Variants in AMPH observed in about 807,000 individuals in gnomAD.
The protein encoded by AMPH is amphiphysin, also known as amphiphysin (Stiff-Mann syndrome with breast cancer 128kD autoantigen).
AMPH carries 49 observed loss-of-function variants against 99.1 expected under a neutral mutation model. The observed-to-expected ratio is 0.49, with a 90% confidence interval of 0.39 to 0.63. AMPH has a LOEUF of 0.63. Among genes scored for constraint, AMPH ranks in the 20% least tolerant of loss-of-function variants. AMPH has a pLI of 0.00. For synonymous variants in AMPH, 314 were observed against 317.3 expected (o/e 0.99, Z 0.11); for missense variants, 759 against 863.4 (o/e 0.88, Z 1.52).
At chr7:38,423,605 A>C (rs1031974280) in intron 15 of AMPH, among the ~76,000 whole-genome samples, 5 of 152,152 alleles carry the variant, frequency 3.3e-5, no homozygotes, top group African/African-American at 9.6e-5. Context: ...AAACAACAAA[A>C]TGTTGAAATT....
rs932394764 is a variant in AMPH, at chr7:38,384,392, C to T, written c.*426G>A. ...TAAACATAGTAAACCTGAAAGGGAG[C>T]GAGAGCACGTGCTCACACCTGGGCA... is the stretch of plus-strand genomic sequence containing the variant. On this transcript the variant is annotated 3_prime_UTR_variant, in exon 21 of 21. Coordinates refer to ENST00000356264, the MANE Select transcript of AMPH (RefSeq NM_001635.4). The T allele has an allele frequency of 1.9e-5, 3 of 161,384 alleles. No homozygotes were observed. The highest frequency in any genetic ancestry group is 5.8e-5 in the Admixed American group (1 of 17,242). The allele number at this position is 161,384 out of a possible 1,614,324, so 10.0% of individuals were successfully genotyped here. A position where few individuals can be genotyped will look rare whatever the true frequency, so the allele number is the denominator to read the frequency against.
At chr7:38,431,351 C>T (rs1231255544) in intron 13 of AMPH, among the ~76,000 whole-genome samples, 37 of 152,102 alleles carry the variant, frequency 2.4e-4, no homozygotes, top group Admixed American at 2.4e-3. Flanking sequence ...AAAAATGATG[C>T]TTAGAGAGTT....
chr7:38,602,802 A>G (rs1793295265), intron 1 of AMPH, among the ~76,000 whole-genome samples: 1 of 152,194 alleles, frequency 6.6e-6, no homozygotes, highest in Non-Finnish European at 1.5e-5. Context: ...CACCAAGAAC[A>G]CTGCTTCTCT....
chr7:38,537,258 T>C (rs888868130), intron 1 of AMPH, among the ~76,000 whole-genome samples: 13 of 152,120 alleles, frequency 8.5e-5, no homozygotes, highest in African/African-American at 2.7e-4. Context: ...CTATATCTGA[T>C]TGAGTGGCTC....
intron 11 of AMPH, among the ~76,000 whole-genome samples, chr7:38,454,547 C>T (rs1017897172): frequency 6.6e-6 from 1 of 150,918 alleles, no homozygotes; most frequent in Non-Finnish European, 1.5e-5. Flanking sequence ...AAAAAAAACA[C>T]AAAAAACAGC....
chr7:38,444,340 G>A (rs1786675604), intron 11 of AMPH, among the ~76,000 whole-genome samples: 1 of 152,100 alleles, frequency 6.6e-6, no homozygotes, highest in African/African-American at 2.4e-5. Context: ...CTGTAAGTGT[G>A]TCCTTAACTG....
At chr7:38,500,183 A>G (rs1450371475) in intron 3 of AMPH, among the ~76,000 whole-genome samples, 1 of 152,202 alleles carries the variant, frequency 6.6e-6, no homozygotes, top group Non-Finnish European at 1.5e-5. Context: ...TCCTGCAGTC[A>G]AATAACTTGG....
At chr7:38,447,856 C>A (rs1394565614) in intron 11 of AMPH, among the ~76,000 whole-genome samples, 1 of 151,988 alleles carries the variant, frequency 6.6e-6, no homozygotes, top group Non-Finnish European at 1.5e-5. Flanking sequence ...AGATTTTCAT[C>A]TTTTCTTCTT....
chr7:38,597,636 C>A (rs1052493221), intron 1 of AMPH, among the ~76,000 whole-genome samples: 30 of 152,126 alleles, frequency 2.0e-4, no homozygotes, highest in African/African-American at 6.7e-4. Flanking sequence ...CAAGCAGAGG[C>A]AAAAATTACT....
intron 1 of AMPH, among the ~76,000 whole-genome samples, chr7:38,543,545 A>T (rs750391228): frequency 5.9e-5 from 9 of 152,240 alleles, no homozygotes; most frequent in Admixed American, 5.2e-4. Flanking sequence ...TATATCAAGC[A>T]CAGATCTAAG....
At chr7:38,499,924 C>A (rs901555281) in intron 3 of AMPH, among the ~76,000 whole-genome samples, 1 of 152,194 alleles carries the variant, frequency 6.6e-6, no homozygotes, top group African/African-American at 2.4e-5. Flanking sequence ...CCTGCTGCCA[C>A]GCAAGACATG....
At chr7:38,543,376 TC>T (rs1292620573) in intron 1 of AMPH, among the ~76,000 whole-genome samples, 1 of 152,196 alleles carries the variant, frequency 6.6e-6, no homozygotes, top group South Asian at 2.1e-4. Flanking sequence ...AGCTGTAAGT[TC>T]CCTAAGGCAA....
intron 1 of AMPH, among the ~76,000 whole-genome samples, chr7:38,592,128 T>C (rs534273647): frequency 6.6e-6 from 1 of 152,252 alleles, no homozygotes; most frequent in Non-Finnish European, 1.5e-5. Context: ...TGGCTAGTTA[T>C]CTGCAGCAGA....
chr7:38,529,635 C>A (rs1318034704), intron 2 of AMPH, among the ~76,000 whole-genome samples: 1 of 152,162 alleles, frequency 6.6e-6, no homozygotes, highest in Non-Finnish European at 1.5e-5. Context: ...CTGTGTAGGG[C>A]AACTGAGGCT....
chr7:38,541,584 C>A (rs369197514), intron 1 of AMPH, among the ~76,000 whole-genome samples: 4 of 152,204 alleles, frequency 2.6e-5, no homozygotes, highest in African/African-American at 4.8e-5. Flanking sequence ...AGTGCATTAG[C>A]CATCACGTCA....
chr7:38,497,564 C>T (rs1399674626), intron 3 of AMPH, among the ~76,000 whole-genome samples: 3 of 152,160 alleles, frequency 2.0e-5, no homozygotes, highest in African/African-American at 7.2e-5. Flanking sequence ...TATAAGTACT[C>T]CTTGCTTAAA....
intron 15 of AMPH, among the ~76,000 whole-genome samples, chr7:38,426,319 G>A (rs1785781077): frequency 6.6e-6 from 1 of 152,120 alleles, no homozygotes; most frequent in Non-Finnish European, 1.5e-5. Flanking sequence ...CCTACCTGTT[G>A]GGACATACAC....
Position 38,499,375 on chromosome 7 carries a change from G to A in AMPH, c.205+4275C>T, listed in dbSNP as rs116000293. 4.2e-3 allele frequency among the ~76,000 whole-genome samples: 643 copies of A among 152,226 alleles called. 7 individuals are homozygous for A. The highest frequency in any genetic ancestry group is 0.014 in the African/African-American group (591 of 41,526). On this transcript the variant is annotated intron_variant, in intron 3 of 20. Coordinates refer to ENST00000356264, the MANE Select transcript of AMPH (RefSeq NM_001635.4). The stretch of plus-strand genomic sequence containing the variant: ...CCTAAGCATCAGCAGAAATCATAAA[G>A]ACCCATAGAGGGGAAGCCACCCAGA...
At chr7:38,481,580 C>T (rs1241490075) in intron 5 of AMPH, among the ~76,000 whole-genome samples, 1 of 152,080 alleles carries the variant, frequency 6.6e-6, no homozygotes, top group Non-Finnish European at 1.5e-5. Flanking sequence ...CAAGCAGGCT[C>T]TTATTATAAC....
Sources: allele counts gnomAD v4.1 joint callset (sites outside exome capture counted in the v4.1 genomes callset), GRCh38; gene constraint gnomAD v4.1.1; transcripts MANE v1.5; gene names NCBI Gene and HGNC (gene_info 2026-07-23, HGNC 2026-07-21).